The following RBM33 variants were observed in gnomAD, a reference collection of about 807,000 sequenced individuals.
RBM33 encodes RNA binding motif protein 33, also known as RNA-binding protein 33.
RBM33 carries 28 observed loss-of-function variants against 132.6 expected under a neutral mutation model. That is an observed-to-expected ratio of 0.21 (90% CI 0.16 to 0.29). RBM33 has a LOEUF of 0.29. Among genes scored for constraint, RBM33 ranks in the 10% least tolerant of loss-of-function variants. RBM33 has a pLI of 1.00. For missense variants in RBM33, 1,291 were observed against 1,518.5 expected (o/e 0.85, Z 2.49); for synonymous variants, 634 against 593.0 (o/e 1.07, Z -1.01).
intron 2 of RBM33, among the ~76,000 whole-genome samples, chr7:155,665,613 T>G (rs528919930): frequency 1.3e-5 from 2 of 152,092 alleles, no homozygotes; most frequent in African/African-American, 2.4e-5. Flanking sequence ...CACTTTAACG[T>G]TTTTTCCATT....
rs1293341149 is a variant in RBM33 at position 155,778,268 on chromosome 7, A to T, written c.*3227A>T. ...AAGGTCTCAGGCAAACAGTTGTTGAAGCTTGCTTCTGTGGCATTTCTGAAT... is the reference window on the plus strand; with the variant it reads ...AAGGTCTCAGGCAAACAGTTGTTGATGCTTGCTTCTGTGGCATTTCTGAAT... On this transcript the variant is annotated 3_prime_UTR_variant, in exon 18 of 18. Coordinates refer to ENST00000401878, the MANE Select transcript of RBM33 (RefSeq NM_053043.3). The surrounding 1 kb of genome is among the most constrained non-coding windows in gnomAD (Gnocchi z 4.0). The T allele has an allele frequency of 6.6e-6, 1 of 152,280 alleles. No homozygotes were observed. Among genetic ancestry groups the T allele is most frequent in the Non-Finnish European group, 1.5e-5 (1 of 68,044 alleles). The allele number at this position is 152,280 out of a possible 1,614,324, so 9.4% of individuals were successfully genotyped here.
intron 14 of RBM33, among the ~76,000 whole-genome samples, chr7:155,750,299 A>G (rs1246979879): frequency 6.6e-6 from 1 of 152,266 alleles, no homozygotes; most frequent in Admixed American, 6.5e-5. Context: ...TAACCTATAC[A>G]TAATTCCCAG....
Position 155,745,282 on chromosome 7 carries a change from C to T in RBM33, c.2659C>T (p.Gln887Ter). 6.2e-7 allele frequency: 1 copy of T among 1,612,770 alleles called. No individual in the cohort carries two copies. The highest frequency in any genetic ancestry group is 8.5e-7 in the Non-Finnish European group (1 of 1,179,294). The change falls in exon 14 of 18, where the codon CAG becomes TAG. Residue 887 changes from glutamine (Q) to a stop codon, truncating the protein, a stop_gained. Transcript: ENST00000401878. LOFTEE classifies it high-confidence loss of function. The surrounding 1 kb of genome is among the most constrained non-coding windows in gnomAD (Gnocchi z 4.1). ...CCAGGATGTCAGTATTTCAAACGTT[C>T]AGCCCAAAACATCCAATTTTGTACC... is the stretch of plus-strand genomic sequence containing the variant. ...KNQDVSISNV[Q>*]PKTSNFVPSS... is the part of the protein sequence containing the mutation.
intron 1 of RBM33, among the ~76,000 whole-genome samples, chr7:155,657,722 AC>A (rs1793544477): frequency 2.0e-5 from 3 of 152,226 alleles, no homozygotes; most frequent in African/African-American, 4.8e-5. Flanking sequence ...GTGATTAAGT[AC>A]TAATTTCTTC....
rs3080619 is a variant in RBM33 at position 155,661,146 on chromosome 7, A to ATTTTTTTT, written c.44-4023_44-4016dup. On this transcript the variant is annotated intron_variant, in intron 1 of 17. Coordinates refer to ENST00000401878, the MANE Select transcript of RBM33 (RefSeq NM_053043.3). Reference sequence around the variant, plus strand: ...TGTGTGTGTGTATATATATATATATATTTTTTTTTTTTTGAGACAGAGTCT... The same window carrying ATTTTTTTT: ...TGTGTGTGTGTATATATATATATATATTTTTTTTTTTTTTTTTTTTTGAGACAGAGTCT... 1.5e-3 allele frequency among the ~76,000 whole-genome samples: 119 copies of ATTTTTTTT among 81,180 alleles called. 3 individuals are homozygous for ATTTTTTTT. Among genetic ancestry groups the ATTTTTTTT allele is most frequent in the South Asian group, 5.1e-3 (10 of 1,966 alleles). 53.3% of individuals were successfully genotyped at this position (81,180 alleles called of 152,430 possible).
intron 16 of RBM33, among the ~76,000 whole-genome samples, chr7:155,769,986 C>CT (rs1337115329): frequency 2.6e-5 from 4 of 152,132 alleles, no homozygotes; most frequent in African/African-American, 9.7e-5. Context: ...TGTGTGAGAA[C>CT]ACAGAGCTTG....
chr7:155,749,773 C>G (rs73734720), intron 14 of RBM33, among the ~76,000 whole-genome samples: 1 of 152,188 alleles, frequency 6.6e-6, no homozygotes, highest in Admixed American at 6.5e-5. Flanking sequence ...TCCATCATCC[C>G]GGTTCCAGAA....
intron 14 of RBM33, among the ~76,000 whole-genome samples, chr7:155,752,929 C>T (rs1801730967): frequency 6.6e-6 from 1 of 152,156 alleles, no homozygotes; most frequent in South Asian, 2.1e-4. Flanking sequence ...TCAGAGCCGG[C>T]TCCTGATGTT....
intron 14 of RBM33, among the ~76,000 whole-genome samples, chr7:155,751,915 G>A (rs1430021087): frequency 1.3e-5 from 2 of 152,130 alleles, no homozygotes; most frequent in African/African-American, 4.8e-5. Flanking sequence ...TCCTGTATTT[G>A]TTAGCTGTCA....
At chr7:155,719,868 G>T (rs1384835352) in intron 9 of RBM33, among the ~76,000 whole-genome samples, 1 of 152,092 alleles carries the variant, frequency 6.6e-6, no homozygotes, top group Non-Finnish European at 1.5e-5. Flanking sequence ...TAAACCTAAA[G>T]CAATGTAATT....
intron 1 of RBM33, among the ~76,000 whole-genome samples, chr7:155,646,625 C>G (rs1798203306): frequency 6.6e-6 from 1 of 152,234 alleles, no homozygotes; most frequent in South Asian, 2.1e-4. Flanking sequence ...TCCAGTGGAT[C>G]TCACGCTTTT....
At chr7:155,752,634 G>A (rs1801719315) in intron 14 of RBM33, among the ~76,000 whole-genome samples, 1 of 152,190 alleles carries the variant, frequency 6.6e-6, no homozygotes, top group African/African-American at 2.4e-5. Context: ...GCAGAAACGT[G>A]CATCACATGC....
intron 1 of RBM33, among the ~76,000 whole-genome samples, chr7:155,658,478 C>T (rs1039097236): frequency 6.6e-6 from 1 of 151,104 alleles, no homozygotes; most frequent in Non-Finnish European, 1.5e-5. Flanking sequence ...ACCTCTGGCC[C>T]ACTGCAACCT....
chr7:155,706,643 C>G (rs1800122249), intron 6 of RBM33, among the ~76,000 whole-genome samples: 1 of 152,158 alleles, frequency 6.6e-6, no homozygotes, highest in African/African-American at 2.4e-5. Context: ...TGCATTGTGT[C>G]ATAACGGAAA....
chr7:155,662,504 C>T (rs1267999204), intron 1 of RBM33, among the ~76,000 whole-genome samples: 1 of 151,968 alleles, frequency 6.6e-6, no homozygotes, highest in Non-Finnish European at 1.5e-5. Context: ...TTCTAAATGT[C>T]TGCTTCCTCA....
At chr7:155,702,856 G>T (rs1181085436) in intron 6 of RBM33, among the ~76,000 whole-genome samples, 1 of 152,220 alleles carries the variant, frequency 6.6e-6, no homozygotes, top group Admixed American at 6.5e-5. Context: ...TAAAAGCATA[G>T]TCACTGAGAA....
At chr7:155,665,059 T>C (rs1222394848) in intron 1 of RBM33, 116 bp from the exon 2 acceptor site, 2 of 742,158 alleles carry the variant, frequency 2.7e-6, no homozygotes, top group East Asian at 2.9e-5. Context: ...TATGAAACTT[T>C]TGTAATTTAA....
chr7:155,707,291 C>T, intron 7 of RBM33: 1 of 650,584 alleles, frequency 1.5e-6, no homozygotes, highest in African/African-American at 1.8e-5. Flanking sequence ...TCCTGTACCA[C>T]AGATACTTCC....
intron 10 of RBM33, 98 bp from the exon 11 acceptor site, chr7:155,737,962 G>C (rs1189162761): frequency 1.8e-6 from 2 of 1,096,152 alleles, no homozygotes; most frequent in Non-Finnish European, 2.7e-6. Flanking sequence ...GTCAACACTT[G>C]TGACTTCTGT....
Sources: gnomAD v4.1 joint callset for allele counts (sites outside exome capture counted in the v4.1 genomes callset) on GRCh38, gnomAD v4.1.1 for gene constraint, Gnocchi (gnomAD v3.1) non-coding constraint, MANE v1.5 for transcripts, NCBI Gene and HGNC (gene_info 2026-07-23, HGNC 2026-07-21) for gene names.